Variants in USP12 observed in about 807,000 individuals in gnomAD.
USP12 encodes ubiquitin specific peptidase 12.
A neutral mutation model predicts 45.5 loss-of-function variants in USP12; 19 were observed. That is an observed-to-expected ratio of 0.42 (90% CI 0.29 to 0.61). The LOEUF is 0.61. Ranked by LOEUF, USP12 falls within the 20% of genes least tolerant of loss-of-function variation. USP12 has a pLI of 0.22. For missense variants in USP12, 242 were observed against 447.7 expected, an observed-to-expected ratio of 0.54 and a Z score of 4.15; for synonymous variants, 149 against 148.8, an observed-to-expected ratio of 1.00 and a Z score of -0.01.
intron 4 of USP12, among the ~76,000 whole-genome samples, 171 bp downstream of exon 4, chr13:27,095,430 A>G (rs1874531294): frequency 6.6e-6 from 1 of 152,232 alleles, no homozygotes; most frequent in Non-Finnish European, 1.5e-5. Context: ...TCAATAAGCA[A>G]CATTACATTA....
At chr13:27,122,283 A>C (rs1876029139) in intron 1 of USP12, among the ~76,000 whole-genome samples, 1 of 152,058 alleles carries the variant, frequency 6.6e-6, no homozygotes, top group East Asian at 1.9e-4. Context: ...AATACGTTTC[A>C]TGAGAACTGG....
chr13:27,155,300 C>A (rs1399222052), intron 1 of USP12, among the ~76,000 whole-genome samples: 1 of 151,890 alleles, frequency 6.6e-6, no homozygotes, highest in African/African-American at 2.4e-5. Flanking sequence ...CCAAGATGGT[C>A]TTGATCTCCT....
In USP12 at chr13:27,129,700, T is replaced by C. The variant is rs758725294; in HGVS notation, c.49-13104A>G. Among the ~76,000 whole-genome samples, 4 of 152,072 alleles carry C rather than the reference T, an allele frequency of 2.6e-5. No individual in the cohort carries two copies. Among genetic ancestry groups the C allele is most frequent in the Non-Finnish European group, 4.4e-5 (3 of 67,994 alleles). Reference sequence around the variant, plus strand: ...AGACCCTATCTCTTAATAATAATAATAGCAAATAAAAATAAATGTATGCAT... The same window carrying C: ...AGACCCTATCTCTTAATAATAATAACAGCAAATAAAAATAAATGTATGCAT... On this transcript the variant is annotated intron_variant, in intron 1 of 8. Transcript: ENST00000282344. This position sits in a 1 kb window ranked among gnomAD's most constrained non-coding sequence, Gnocchi z 4.0.
chr13:27,110,504 C>G (rs1273899654), intron 2 of USP12, among the ~76,000 whole-genome samples: 1 of 152,192 alleles, frequency 6.6e-6, no homozygotes, highest in African/African-American at 2.4e-5. Flanking sequence ...TTTGAAGAGG[C>G]TTGTGAGATC....
At chr13:27,082,042 C>T in intron 6 of USP12, among the ~76,000 whole-genome samples, 1 of 152,182 alleles carries the variant, frequency 6.6e-6, no homozygotes, top group East Asian at 1.9e-4. Flanking sequence ...TAAATGAATA[C>T]TGGCTTCAAC....
In USP12 at chr13:27,095,679, G is replaced by A. The variant is rs1384855390; in HGVS notation, c.495C>T (p.Ser165=). 6.2e-6 allele frequency: 10 copies of A among 1,613,020 alleles called. No individual in the cohort carries two copies. Among genetic ancestry groups the A allele is most frequent in the Non-Finnish European group, 7.6e-6 (9 of 1,179,534 alleles). The stretch of plus-strand genomic sequence containing the variant: ...CATGAACCCACGTTGGGTCTGGTGT[G>A]CTGTTATTATTTTCATTATCAATAT... ...NGNIDNENNN[S]TPDPTWVHEI... The change falls in exon 4 of 9, where the codon AGC becomes AGT. Residue 165 remains serine, a synonymous_variant. Coordinates refer to ENST00000282344, the MANE Select transcript of USP12 (RefSeq NM_182488.4).
chr13:27,114,398 C>T (rs1318416574), intron 2 of USP12, among the ~76,000 whole-genome samples: 1 of 152,174 alleles, frequency 6.6e-6, no homozygotes, highest in Non-Finnish European at 1.5e-5. Context: ...TGCTGACTAT[C>T]TAACAGCTGG....
At chr13:27,153,473 A>G (rs1011592638) in intron 1 of USP12, among the ~76,000 whole-genome samples, 2 of 152,244 alleles carry the variant, frequency 1.3e-5, no homozygotes, top group Non-Finnish European at 2.9e-5. Flanking sequence ...TATGAAATCT[A>G]GTAACAATAA....
intron 1 of USP12, among the ~76,000 whole-genome samples, chr13:27,157,079 T>C (rs896878818): frequency 1.3e-5 from 2 of 152,174 alleles, no homozygotes; most frequent in Non-Finnish European, 2.9e-5. Context: ...TTGGAAAAAA[T>C]GAACTAATAA....
At chr13:27,116,712 C>T (rs1055935197) in intron 1 of USP12, 116 bp from the exon 2 acceptor site, 8 of 851,314 alleles carry the variant, frequency 9.4e-6, no homozygotes, top group Middle Eastern at 3.7e-4. Context: ...ATGGAGCTGC[C>T]CTACACAGGT....
chr13:27,169,216 G>A (rs1878476929), intron 1 of USP12: 1 of 152,158 alleles, frequency 6.6e-6, no homozygotes. Context: ...TTACAAAAAT[G>A]CCATGAAACT....
At chr13:27,123,606 T>C (rs1593196128) in intron 1 of USP12, among the ~76,000 whole-genome samples, 1 of 152,340 alleles carries the variant, frequency 6.6e-6, no homozygotes, top group African/African-American at 2.4e-5. Flanking sequence ...GGCATGGGTC[T>C]TCCCATGCTC....
At chr13:27,167,274 AAAAT>A (rs531812835) in intron 1 of USP12, among the ~76,000 whole-genome samples, 5 of 151,900 alleles carry the variant, frequency 3.3e-5, no homozygotes, top group Middle Eastern at 3.2e-3. Context: ...AAAAAAAAAT[AAAAT>A]AAATAAATAA....
intron 1 of USP12, among the ~76,000 whole-genome samples, chr13:27,117,972 T>A (rs1333873907): frequency 6.7e-6 from 1 of 149,756 alleles, no homozygotes; most frequent in East Asian, 1.9e-4. Context: ...TTAATATAAC[T>A]CTGAATATGT....
chr13:27,121,719 G>A (rs1875999608), intron 1 of USP12, among the ~76,000 whole-genome samples: 5 of 151,908 alleles, frequency 3.3e-5, no homozygotes, highest in Non-Finnish European at 7.4e-5. Context: ...AAATTAGGTG[G>A]GCATGGTGGC....
rs1381379804 is a variant in USP12 at position 27,090,262 on chromosome 13, A to C, written c.574-104T>G. 3.3e-6 allele frequency: 3 copies of C among 909,342 alleles called. No individual in the cohort carries two copies. The Admixed American group carries it at 7.5e-5, about 23-fold the overall frequency. 56.3% of individuals were successfully genotyped at this position (909,342 alleles called of 1,614,324 possible). On this transcript the variant is annotated intron_variant, in intron 4 of 8. Coordinates refer to ENST00000282344, the MANE Select transcript of USP12 (RefSeq NM_182488.4). ...TTCTATTATTATCAGTAAGTAAACA[A>C]TTCTTTTCCCTCAAGTTCAAAAGAG...
intron 1 of USP12, among the ~76,000 whole-genome samples, chr13:27,130,540 A>AC (rs1294221967): frequency 3.5e-5 from 5 of 144,038 alleles, no homozygotes; most frequent in Non-Finnish European, 7.6e-5. Context: ...ACACACACAC[A>AC]AAAAAAATCA....
At position 27,079,513 on chromosome 13, in the gene USP12, C is replaced by T. The variant is rs182468606; in HGVS notation, c.735-4125G>A. Among the ~76,000 whole-genome samples, 51 of 152,214 alleles carry T rather than the reference C, an allele frequency of 3.4e-4. No individual in the cohort carries two copies. In the East Asian group the frequency reaches 8.7e-3, roughly 26 times the overall value. ...GTATTCCAAAGGACTAGGGGAGGAGCTGGAGGAAGGACTGACATTGCCTGC... is the reference window on the plus strand; with the variant it reads ...GTATTCCAAAGGACTAGGGGAGGAGTTGGAGGAAGGACTGACATTGCCTGC... On this transcript the variant is annotated intron_variant, in intron 6 of 8. Transcript: ENST00000282344.
chr13:27,115,640 C>T (rs942503108), intron 2 of USP12, among the ~76,000 whole-genome samples: 2 of 152,210 alleles, frequency 1.3e-5, no homozygotes, highest in Non-Finnish European at 2.9e-5. Context: ...TGATACTCCC[C>T]AGTGACTCAG....
Sources: gnomAD v4.1 joint callset for allele counts (sites outside exome capture counted in the v4.1 genomes callset) on GRCh38, gnomAD v4.1.1 for gene constraint, Gnocchi (gnomAD v3.1) non-coding constraint, MANE v1.5 for transcripts, NCBI Gene and HGNC (gene_info 2026-07-23, HGNC 2026-07-21) for gene names.